The following MUC17 variants were observed in gnomAD, a reference collection of about 807,000 sequenced individuals.
MUC17 encodes mucin-17.
MUC17 carries 190 observed loss-of-function variants against 170.3 expected under a neutral mutation model. That is an observed-to-expected ratio of 1.12 (90% CI 0.99 to 1.26). The LOEUF (loss-of-function observed/expected upper bound fraction) is 1.26, where lower values mean the gene tolerates loss of function less well. Among genes scored for constraint, MUC17 ranks in the 50% most tolerant of loss-of-function variants. MUC17 has a pLI of 0.00. For synonymous variants in MUC17, 2,325 were observed against 2,002.5 expected, an observed-to-expected ratio of 1.16 and a Z score of -4.30; for missense variants, 6,415 against 5,530.0, an observed-to-expected ratio of 1.16 and a Z score of -5.08.
At chr7:101,050,741 C>A (rs914932266) in intron 7 of MUC17, 106 bp downstream of exon 7, 9 of 1,456,470 alleles carry the variant, frequency 6.2e-6, no homozygotes, top group Non-Finnish European at 8.2e-6. Flanking sequence ...TGGGTGGGTG[C>A]AAGAATCACT....
rs374275687 is a variant in MUC17 at position 101,043,139 on chromosome 7, C to T, written c.11723C>T (p.Pro3908Leu). 5.0e-5 allele frequency: 80 copies of T among 1,614,068 alleles called. No individual in the cohort carries two copies. The highest frequency in any genetic ancestry group is 1.0e-4 in the Admixed American group (6 of 60,006). The change falls in exon 3 of 13, where the codon CCT (proline) becomes CTT (leucine). Residue 3908 changes from proline to leucine, a missense_variant. By Grantham distance (98) the Pro-to-Leu change is moderately conservative. Coordinates refer to ENST00000306151, the MANE Select transcript of MUC17 (RefSeq NM_001040105.2). ...CTTGACACAAGCACAACTTTTACCCCTTCTACTGACACTGCCTCAACTCCC... is the reference window on the plus strand; with the variant it reads ...CTTGACACAAGCACAACTTTTACCCTTTCTACTGACACTGCCTCAACTCCC... The part of the protein sequence containing the change: ...PPLDTSTTFT[P>L]STDTASTPTI...
chr7:101,033,128 C>T lies in MUC17; in HGVS notation c.1712C>T (p.Pro571Leu), dbSNP rs34834039. ...PTSTPSEGST[P>L]LTNMPVSTRL... ...TCAACTCCTAGTGAAGGAAGCACTC[C>T]ATTAACAAACATGCCTGTCAGCACC... is the stretch of plus-strand genomic sequence containing the variant. Residue 571 changes from proline to leucine, a missense_variant, in exon 3 of 13, where the codon CCA becomes CTA. Pro to Leu is a moderately conservative substitution (Grantham distance 98). Transcript: ENST00000306151. 177,613 of 1,613,762 alleles carry T rather than the reference C, an allele frequency of 0.11. 10,678 individuals are homozygous for T. Among genetic ancestry groups the T allele is most frequent in the African/African-American group, 0.18 (13,699 of 74,830 alleles).
At position 101,043,399 on chromosome 7, in the gene MUC17, G is replaced by A. The variant is rs373830565; in HGVS notation, c.11983G>A (p.Ala3995Thr). Residue 3995 changes from alanine to threonine, a missense_variant, in exon 3 of 13, where the codon GCA (alanine) becomes ACA (threonine). By Grantham distance (58) the Ala-to-Thr change is moderately conservative (BLOSUM62 0). Coordinates refer to ENST00000306151, the MANE Select transcript of MUC17 (RefSeq NM_001040105.2). Reference protein sequence around the residue: ...FSTTKEFTTPAMTTAAPLTYV... With the variant: ...FSTTKEFTTPTMTTAAPLTYV... ...AACTACTAAGGAATTTACAACACCC[G>A]CAATGACTACTGCAGCTCCCCTCAC... The A allele has an allele frequency of 6.6e-5, 107 of 1,614,006 alleles. No individual in the cohort carries two copies. The highest frequency in any genetic ancestry group is 1.6e-4 in the Middle Eastern group (1 of 6,062).
Position 101,042,371 on chromosome 7 carries a change from C to A in MUC17, c.10955C>A (p.Ala3652Asp), listed in dbSNP as rs779619509. ...ACCACATCGGTGACCATTTCTGAGG[C>A]TGGCACAGCTTCAACACTTCCTGTT... is the stretch of plus-strand genomic sequence containing the variant. ...VSTTSVTISE[A>D]GTASTLPVDT... The change falls in exon 3 of 13, where the codon GCT becomes GAT. Residue 3652 changes from alanine (A) to aspartate (D), a missense_variant. Transcript: ENST00000306151. The A allele has an allele frequency of 1.2e-6, 2 of 1,613,864 alleles. No individual in the cohort carries two copies.
rs35090328 is a variant in MUC17, at chr7:101,041,269, A to G, written c.9853A>G (p.Ser3285Gly). The change falls in exon 3 of 13, where the codon AGT (serine) becomes GGT (glycine). Residue 3285 changes from serine to glycine, a missense_variant. Coordinates refer to ENST00000306151, the MANE Select transcript of MUC17 (RefSeq NM_001040105.2). ...TPSEGSTPLTSMPVSTTTVAS... is the reference protein window; with the variant it reads ...TPSEGSTPLTGMPVSTTTVAS... Reference sequence around the variant, plus strand: ...TAGTGAAGGAAGCACTCCATTAACAAGTATGCCTGTCAGCACCACAACGGT... The same window carrying G: ...TAGTGAAGGAAGCACTCCATTAACAGGTATGCCTGTCAGCACCACAACGGT... 0.1 allele frequency: 163,710 copies of G among 1,610,446 alleles called. 2,337 individuals carry two copies. The highest frequency in any genetic ancestry group is 0.16 in the Middle Eastern group (941 of 6,032).
At position 101,038,098 on chromosome 7, in the gene MUC17, A is replaced by G; in HGVS notation, c.6682A>G (p.Ser2228Gly). The change falls in exon 3 of 13, where the codon AGC becomes GGC. Residue 2228 changes from serine to glycine, a missense_variant. Physicochemically the swap from Ser to Gly is moderately conservative, Grantham distance 56. Transcript: ENST00000306151. ...CACTCCATTCACAAGTATGCCTGTCAGCACCATGCCGGTAGTTACTTCTGA... is the reference window on the plus strand; with the variant it reads ...CACTCCATTCACAAGTATGCCTGTCGGCACCATGCCGGTAGTTACTTCTGA... Reference protein sequence around the residue: ...GSTPFTSMPVSTMPVVTSEAS... With the variant: ...GSTPFTSMPVGTMPVVTSEAS... 1 of 1,406,380 alleles carries G rather than the reference A, an allele frequency of 7.1e-7. No homozygotes were observed. The highest frequency in any genetic ancestry group is 9.5e-7 in the Non-Finnish European group (1 of 1,050,270). The allele number at this position is 1,406,380 out of a possible 1,614,324, so 87.1% of individuals were successfully genotyped here.
intron 12 of MUC17, 56 bp downstream of exon 12, chr7:101,056,326 C>G: frequency 6.2e-7 from 1 of 1,602,304 alleles, no homozygotes; most frequent in Admixed American, 1.7e-5. Context: ...CTTTCTTCTT[C>G]TCCTTTCCTA....
Position 101,034,724 on chromosome 7 carries a change from T to A in MUC17, c.3308T>A (p.Leu1103Gln). The change falls in exon 3 of 13, where the codon CTA (leucine) becomes CAA (glutamine). Residue 1103 changes from leucine to glutamine, a missense_variant. By Grantham distance (113) the Leu-to-Gln change is moderately radical. Coordinates refer to ENST00000306151, the MANE Select transcript of MUC17 (RefSeq NM_001040105.2). ...ACTTATAGTGAAGGAAGCACTCCAC[T>A]AACAAGTGTGCCTGTCAGCACCAGG... ...TSTYSEGSTP[L>Q]TSVPVSTRLV... is the part of the protein sequence containing the mutation. The A allele has an allele frequency of 6.2e-7, 1 of 1,606,840 alleles. No homozygotes were observed. Among genetic ancestry groups the A allele is most frequent in the African/African-American group, 1.3e-5 (1 of 74,604 alleles).
Position 101,058,076 on chromosome 7 carries a change from G to T in MUC17, c.*32G>T, listed in dbSNP as rs1795080028. 5.0e-6 allele frequency: 8 copies of T among 1,602,792 alleles called. No homozygotes were observed. The highest frequency in any genetic ancestry group is 1.7e-4 in the Middle Eastern group (1 of 6,022). On this transcript the variant is annotated 3_prime_UTR_variant, in exon 13 of 13. Transcript: ENST00000306151. ...GAGCTGAGAAGTCTGGGAGTGAGGA[G>T]ATCCCAGTCCGGCTAAGCTTGGTGG...
chr7:101,050,705 A>G lies in MUC17; in HGVS notation c.12874+70A>G, dbSNP rs1794924504. 3.9e-6 allele frequency: 6 copies of G among 1,551,820 alleles called. No homozygotes were observed. In the Admixed American group the frequency reaches 1.1e-4, roughly 29 times the overall value. On this transcript the variant is annotated intron_variant, in intron 7 of 12. Coordinates refer to ENST00000306151, the MANE Select transcript of MUC17 (RefSeq NM_001040105.2). Reference sequence around the variant, plus strand: ...CTGGGGCATGACTTTCTTAATAGACAGGAGGGCGGGAGTGAGGATGGTTAA... The same window carrying G: ...CTGGGGCATGACTTTCTTAATAGACGGGAGGGCGGGAGTGAGGATGGTTAA...
At chr7:101,045,093 T>G (rs1407642385) in intron 3 of MUC17, among the ~76,000 whole-genome samples, 1 of 152,246 alleles carries the variant, frequency 6.6e-6, no homozygotes, top group Non-Finnish European at 1.5e-5. Flanking sequence ...CTGTATATTT[T>G]ATTATATGAA....
At chr7:101,025,781 G>A in intron 1 of MUC17, among the ~76,000 whole-genome samples, 1 of 146,678 alleles carries the variant, frequency 6.8e-6, no homozygotes, top group African/African-American at 2.6e-5. Flanking sequence ...GTGACAGAGC[G>A]AGATCTCTCT....
At chr7:101,057,969 C>T in intron 12 of MUC17, 34 bp from the exon 13 acceptor site, 2 of 1,608,094 alleles carry the variant, frequency 1.2e-6, no homozygotes, top group Non-Finnish European at 1.7e-6. Flanking sequence ...TCCTCATGGG[C>T]TGAGCCCTCA....
Position 101,035,279 on chromosome 7 carries a change from C to T in MUC17, c.3863C>T (p.Thr1288Met), listed in dbSNP as rs77199586. 1.6e-5 allele frequency: 26 copies of T among 1,591,578 alleles called. No individual in the cohort carries two copies. Among genetic ancestry groups the T allele is most frequent in the South Asian group, 1.0e-4 (9 of 88,856 alleles). Residue 1288 changes from threonine to methionine, a missense_variant, in exon 3 of 13, where the codon ACG becomes ATG. Transcript: ENST00000306151. The stretch of plus-strand genomic sequence containing the variant: ...TTAACAAGTATACCTGTCAGCACCA[C>T]GCTGGTGACCAGTCCTGAGGCTAGC... ...TLLTSIPVST[T>M]LVTSPEASTL...
At position 101,040,096 on chromosome 7, in the gene MUC17, G is replaced by C; in HGVS notation, c.8680G>C (p.Val2894Leu). The C allele has an allele frequency of 6.2e-7, 1 of 1,612,656 alleles. No homozygotes were observed. The highest frequency in any genetic ancestry group is 8.5e-7 in the Non-Finnish European group (1 of 1,179,468). ...GGCTAGCACCCTTTCAACAACTCCT[G>C]TTGATACCAGCATACCTGTCACCAC... ...SEASTLSTTP[V>L]DTSIPVTTST... is the part of the protein sequence containing the mutation. The change falls in exon 3 of 13, where the codon GTT becomes CTT. Residue 2894 changes from valine to leucine, a missense_variant. By Grantham distance (32) the Val-to-Leu change is conservative (BLOSUM62 1). Transcript: ENST00000306151.
At chr7:101,048,198 T>TCAAG in intron 4 of MUC17, 83 bp downstream of exon 4, 1 of 1,377,398 alleles carries the variant, frequency 7.3e-7, no homozygotes, top group Non-Finnish European at 9.6e-7. Context: ...CCCACCTTGA[T>TCAAG]GTGAGGCCAG....
chr7:101,026,461 G>T (rs1246752763), intron 1 of MUC17, among the ~76,000 whole-genome samples: 1 of 152,192 alleles, frequency 6.6e-6, no homozygotes, highest in Non-Finnish European at 1.5e-5. Context: ...CAGACTAAGC[G>T]ACTTCATGCA....
intron 11 of MUC17, among the ~76,000 whole-genome samples, chr7:101,055,528 C>T (rs1795030498): frequency 6.6e-6 from 1 of 152,060 alleles, no homozygotes; most frequent in Admixed American, 6.5e-5. Context: ...ATAGATAAAG[C>T]AAAAACTGAC....
rs1293827554 is a variant in MUC17 at position 101,043,689 on chromosome 7, C to T, written c.12273C>T (p.Thr4091=). 1 of 1,614,052 alleles carries T rather than the reference C, an allele frequency of 6.2e-7. No individual in the cohort carries two copies. The highest frequency in any genetic ancestry group is 8.5e-7 in the Non-Finnish European group (1 of 1,180,054). The change falls in exon 3 of 13, where the codon ACC becomes ACT. Residue 4091 remains threonine, a synonymous_variant. Transcript: ENST00000306151. The part of the protein sequence containing the change: ...STTVNPEAVT[T]MTTRTKPSTR... ...CTGTGAACCCTGAGGCTGTCACCAC[C>T]ATGACCACCAGGACAAAACCCAGCA... is the stretch of plus-strand genomic sequence containing the variant.
Sources: allele counts gnomAD v4.1 joint callset (sites outside exome capture counted in the v4.1 genomes callset), GRCh38; gene constraint gnomAD v4.1.1; transcripts MANE v1.5; gene names NCBI Gene and HGNC (gene_info 2026-07-23, HGNC 2026-07-21).